The following TOP2B variants were observed in gnomAD, a reference collection of about 807,000 sequenced individuals.
TOP2B encodes DNA topoisomerase 2-beta.
In TOP2B, 51 loss-of-function variants were observed where a neutral mutation model predicts 193.5. The ratio of observed to expected loss-of-function variants is 0.26; its 90% CI spans 0.21 to 0.33. TOP2B has a LOEUF of 0.33. TOP2B is among the 10% of genes least tolerant of loss of function. The probability of loss-of-function intolerance (pLI) is 1.00; values close to 1 mark genes in which losing one functional copy is unlikely to be tolerated. For missense variants in TOP2B, 1,378 were observed against 1,909.3 expected (o/e 0.72, Z 5.19); for synonymous variants, 634 against 635.7 (o/e 1.00, Z 0.04).
At position 25,645,464 on chromosome 3, in the gene TOP2B, A is replaced by G; in HGVS notation, c.76T>C (p.Phe26Leu). The G allele has an allele frequency of 6.2e-7, 1 of 1,603,238 alleles. No individual in the cohort carries two copies. The highest frequency in any genetic ancestry group is 8.5e-7 in the Non-Finnish European group (1 of 1,175,312). Residue 26 changes from phenylalanine to leucine, a missense_variant, in exon 2 of 36, where the codon TTT becomes CTT. Physicochemically the swap from Phe to Leu is conservative, Grantham distance 22. This residue lies in a region of TOP2B where 83 missense variants were observed against 59.3 expected (regional missense o/e 1.40). Transcript: ENST00000264331. Reference protein sequence around the residue: ...GNGALTWVTLFDQNNAAKKEE... With the variant: ...GNGALTWVTLLDQNNAAKKEE... ...TTTTTTGCAGCATTGTTCTGATCAA[A>G]AAGAGTCTAAAATTAACCAAAAAAT...
intron 21 of TOP2B, 36 bp downstream of exon 21, chr3:25,623,479 C>G (rs768725522): frequency 6.4e-7 from 1 of 1,553,134 alleles, no homozygotes; most frequent in South Asian, 1.1e-5. Context: ...TACACATTAT[C>G]ATTTGTTAAA....
intron 7 of TOP2B, 44 bp from the exon 8 acceptor site, chr3:25,634,058 C>A: frequency 6.8e-7 from 1 of 1,460,040 alleles, no homozygotes. Flanking sequence ...CTTACACTGG[C>A]AGCTCAAATA....
At chr3:25,632,404 A>C in intron 10 of TOP2B, 42 bp downstream of exon 10, 1 of 1,473,812 alleles carries the variant, frequency 6.8e-7, no homozygotes. Flanking sequence ...TACCTAATCA[A>C]CTCTTAATAA....
chr3:25,600,729 G>C (rs531722001), intron 34 of TOP2B, among the ~76,000 whole-genome samples: 2 of 152,206 alleles, frequency 1.3e-5, no homozygotes, highest in Admixed American at 6.5e-5. Context: ...GAGAAAAAAA[G>C]TTCTAGCCTA....
intron 25 of TOP2B, 55 bp downstream of exon 25, chr3:25,618,363 T>A: frequency 1.5e-6 from 2 of 1,350,242 alleles, no homozygotes; most frequent in Non-Finnish European, 2.1e-6. Flanking sequence ...TTTTTGTTTG[T>A]TTTGGAAGTT....
chr3:25,602,050 ATTTT>A (rs1702108091), intron 33 of TOP2B, among the ~76,000 whole-genome samples: 2 of 152,184 alleles, frequency 1.3e-5, no homozygotes, highest in Admixed American at 1.3e-4. Flanking sequence ...GCTTTCTGGA[ATTTT>A]GAAAAATAGA....
chr3:25,662,944 CCTT>C (rs1703960730), intron 1 of TOP2B, among the ~76,000 whole-genome samples: 1 of 152,212 alleles, frequency 6.6e-6, no homozygotes, highest in Non-Finnish European at 1.5e-5. Flanking sequence ...TCCATCTCCT[CCTT>C]CTTCCTCTCA....
chr3:25,644,564 G>C lies in TOP2B; in HGVS notation c.240+736C>G, dbSNP rs137880490. Among the ~76,000 whole-genome samples, 523 of 151,850 alleles carry C rather than the reference G, an allele frequency of 3.4e-3. 9 individuals carry two copies. Among genetic ancestry groups the C allele is most frequent in the Middle Eastern group, 0.031 (9 of 294 alleles). On this transcript the variant is annotated intron_variant, in intron 2 of 35. Coordinates refer to ENST00000264331, the MANE Select transcript of TOP2B (RefSeq NM_001330700.2). The stretch of plus-strand genomic sequence containing the variant: ...AACAACACAAAAATTAGCCAGGCGT[G>C]GTGGCGCATGCCTGTAATCCCAGCT...
chr3:25,622,273 G>A (rs1702677712), intron 21 of TOP2B, among the ~76,000 whole-genome samples: 1 of 152,062 alleles, frequency 6.6e-6, no homozygotes, highest in Non-Finnish European at 1.5e-5. Context: ...AACCATTTCA[G>A]TAAAACACTA....
chr3:25,621,410 G>A (rs1702654637), intron 21 of TOP2B, among the ~76,000 whole-genome samples: 1 of 152,112 alleles, frequency 6.6e-6, no homozygotes, highest in African/African-American at 2.4e-5. Context: ...CACCCAGGCT[G>A]GAGTGCCGTG....
intron 21 of TOP2B, among the ~76,000 whole-genome samples, chr3:25,622,191 A>ATGT: frequency 1.3e-5 from 2 of 152,200 alleles, no homozygotes; most frequent in Admixed American, 6.5e-5. Context: ...TCATACACAT[A>ATGT]GTAGGCACAT....
Position 25,632,730 on chromosome 3 carries a change from T to C in TOP2B, c.1091A>G (p.Lys364Arg). Residue 364 changes from lysine (K) to arginine (R), a missense_variant, in exon 9 of 36, where the codon AAA becomes AGA. Physicochemically the swap from Lys to Arg is conservative, Grantham distance 26 (BLOSUM62 2). Around this residue, in one of 9 missense-constraint regions of TOP2B, gnomAD observed 222 missense variants for 306.6 expected, o/e 0.72. Coordinates refer to ENST00000264331, the MANE Select transcript of TOP2B (RefSeq NM_001330700.2). Reference protein sequence around the residue: ...VVGKLIEVVKKKNKAGVSVKP... With the variant: ...VVGKLIEVVKRKNKAGVSVKP... ...CACTGATACACCAGCTTTGTTCTTT[T>C]TCTTAACTACTTCAATCAGTTTACC... The C allele has an allele frequency of 1.2e-6, 2 of 1,613,406 alleles. No homozygotes were observed. Among genetic ancestry groups the C allele is most frequent in the Non-Finnish European group, 1.7e-6 (2 of 1,179,484 alleles).
In TOP2B at chr3:25,664,709, C is replaced by A; in HGVS notation, c.-412G>T. Reference sequence around the variant, plus strand: ...TGGCGAGGACGCAGAGGTGCCTTGTCCTTCTCACACTCCGCGAAGGCCAGC... The same window carrying A: ...TGGCGAGGACGCAGAGGTGCCTTGTACTTCTCACACTCCGCGAAGGCCAGC... On this transcript the variant is annotated 5_prime_UTR_variant, in exon 1 of 36. Transcript: ENST00000264331. 1.0e-6 allele frequency: 1 copy of A among 985,260 alleles called. No homozygotes were observed. The highest frequency in any genetic ancestry group is 1.2e-6 in the Non-Finnish European group (1 of 829,854). The allele number at this position is 985,260 out of a possible 1,614,324, so 61.0% of individuals were successfully genotyped here.
At chr3:25,600,466 C>A (rs1333249810) in intron 34 of TOP2B, among the ~76,000 whole-genome samples, 1 of 152,126 alleles carries the variant, frequency 6.6e-6, no homozygotes, top group African/African-American at 2.4e-5. Flanking sequence ...TCCCCATTTC[C>A]CTGTAGGTCT....
At chr3:25,616,945 C>G (rs2125360322) in intron 25 of TOP2B, among the ~76,000 whole-genome samples, 1 of 151,960 alleles carries the variant, frequency 6.6e-6, no homozygotes. Flanking sequence ...TTACAAAAAA[C>G]TTTAATCTTC....
At chr3:25,641,100 C>T (rs1274191514) in intron 4 of TOP2B, among the ~76,000 whole-genome samples, 1 of 152,010 alleles carries the variant, frequency 6.6e-6, no homozygotes, top group African/African-American at 2.4e-5. Context: ...TTCTTTATCA[C>T]TTTGTTATGA....
intron 23 of TOP2B, among the ~76,000 whole-genome samples, chr3:25,619,377 C>T (rs1315265751): frequency 1.3e-5 from 2 of 151,910 alleles, no homozygotes; most frequent in Non-Finnish European, 2.9e-5. Flanking sequence ...AGCCACTGTA[C>T]TACTGCTGAA....
chr3:25,663,802 T>TACACAC lies in TOP2B; in HGVS notation c.69+421_69+426dup, dbSNP rs113174892. Among the ~76,000 whole-genome samples the TACACAC allele has an allele frequency of 4.6e-3, 703 of 151,428 alleles. 7 individuals carry two copies. Among genetic ancestry groups the TACACAC allele is most frequent in the African/African-American group, 0.016 (667 of 41,316 alleles). ...GCCCCAGAAAGAGCTGCATTTAGAA[T>TACACAC]ACACACACACACACACCCCTTTTCC... On this transcript the variant is annotated intron_variant, in intron 1 of 35. Transcript: ENST00000264331.
intron 21 of TOP2B, among the ~76,000 whole-genome samples, 199 bp downstream of exon 21, chr3:25,623,316 C>A (rs1408582915): frequency 2.6e-5 from 4 of 152,064 alleles, no homozygotes; most frequent in Non-Finnish European, 5.9e-5. Flanking sequence ...CAGTTTCTCC[C>A]CATGAAACTT....
Sources: allele counts gnomAD v4.1 joint callset (sites outside exome capture counted in the v4.1 genomes callset), GRCh38; gene constraint gnomAD v4.1.1; regional missense constraint gnomAD v4.1.1; transcripts MANE v1.5; gene names NCBI Gene and HGNC (gene_info 2026-07-23, HGNC 2026-07-21).